ARHGAP26: variants seen among roughly 807,000 people sequenced by gnomAD.
ARHGAP26 encodes the protein Rho GTPase activating protein 26, also known as rho GTPase-activating protein 26.
A neutral mutation model predicts 104.8 loss-of-function variants in ARHGAP26; 38 were observed. The observed-to-expected ratio is 0.36, with a 90% confidence interval of 0.28 to 0.48. The LOEUF is 0.48. Ranked by LOEUF, ARHGAP26 falls within the 20% of genes least tolerant of loss-of-function variation. The pLI is 0.99. For missense variants in ARHGAP26, 704 were observed against 947.9 expected, an observed-to-expected ratio of 0.74 and a Z score of 3.38; for synonymous variants, 341 against 340.0, an observed-to-expected ratio of 1.00 and a Z score of -0.03.
intron 13 of ARHGAP26, among the ~76,000 whole-genome samples, chr5:143,041,286 C>T (rs1236220131): frequency 6.6e-6 from 1 of 152,004 alleles, no homozygotes; most frequent in Non-Finnish European, 1.5e-5. Context: ...TAAAGGTGGT[C>T]TTTTTTGATA....
chr5:142,944,714 T>TA (rs1167220925), intron 11 of ARHGAP26, among the ~76,000 whole-genome samples: 1 of 152,258 alleles, frequency 6.6e-6, no homozygotes, highest in Admixed American at 6.5e-5. Context: ...GTATGTAAGA[T>TA]ACTTAGAACA....
intron 20 of ARHGAP26, chr5:143,166,050 T>C (rs1416908698): frequency 7.6e-7 from 1 of 1,324,272 alleles, no homozygotes; most frequent in Admixed American, 2.3e-5. Flanking sequence ...GGAATGTGTT[T>C]GGAGGGTTGT....
intron 1 of ARHGAP26, among the ~76,000 whole-genome samples, chr5:142,782,625 A>G (rs1392519773): frequency 1.3e-5 from 2 of 152,160 alleles, no homozygotes; most frequent in African/African-American, 4.8e-5. Flanking sequence ...AGAGTTGGAG[A>G]GGCTTTGATG....
intron 22 of ARHGAP26, among the ~76,000 whole-genome samples, chr5:143,219,371 G>A (rs554873789): frequency 3.5e-4 from 53 of 152,262 alleles, no homozygotes; most frequent in African/African-American, 1.1e-3. Flanking sequence ...TATAATTCAC[G>A]AGGCAGAAGG....
intron 11 of ARHGAP26, among the ~76,000 whole-genome samples, chr5:142,955,511 C>T (rs1769102435): frequency 6.6e-6 from 1 of 152,050 alleles, no homozygotes; most frequent in African/African-American, 2.4e-5. Flanking sequence ...TTCAAAAATC[C>T]AGTGAATACT....
intron 12 of ARHGAP26, among the ~76,000 whole-genome samples, chr5:143,024,833 T>TA (rs1198031662): frequency 6.6e-6 from 1 of 152,116 alleles, no homozygotes; most frequent in Non-Finnish European, 1.5e-5. Context: ...GAGCAGAGGG[T>TA]AGAGTAGTGC....
intron 17 of ARHGAP26, among the ~76,000 whole-genome samples, chr5:143,065,580 A>C (rs564862562): frequency 6.6e-6 from 1 of 152,292 alleles, no homozygotes; most frequent in Non-Finnish European, 1.5e-5. Context: ...TGAGTTTCCT[A>C]ATCTGAAAAA....
chr5:142,933,637 A>G (rs1359327660), intron 11 of ARHGAP26, among the ~76,000 whole-genome samples: 1 of 152,192 alleles, frequency 6.6e-6, no homozygotes, highest in African/African-American at 2.4e-5. Context: ...AATGAGGATG[A>G]AAGCATTTCG....
intron 11 of ARHGAP26, among the ~76,000 whole-genome samples, chr5:142,975,222 C>T (rs531425351): frequency 2.0e-5 from 3 of 152,286 alleles, no homozygotes; most frequent in African/African-American, 7.2e-5. Context: ...AAAAGCTGCT[C>T]ACCCCTCCTA....
chr5:143,067,043 C>T (rs904516076), intron 17 of ARHGAP26, among the ~76,000 whole-genome samples: 13 of 152,020 alleles, frequency 8.6e-5, no homozygotes, highest in Admixed American at 3.9e-4. Flanking sequence ...GCCCCTCCCC[C>T]TCCCGCTTCT....
chr5:143,048,288 TCTCA>T (rs1304090365), intron 14 of ARHGAP26, among the ~76,000 whole-genome samples: 1 of 152,068 alleles, frequency 6.6e-6, no homozygotes, highest in Non-Finnish European at 1.5e-5. Flanking sequence ...TGAGATGGGG[TCTCA>T]CTCTTTCACC....
intron 11 of ARHGAP26, among the ~76,000 whole-genome samples, chr5:142,993,214 C>T (rs1455016182): frequency 8.4e-5 from 12 of 142,960 alleles, no homozygotes; most frequent in African/African-American, 3.1e-4. Context: ...CCAGGCCGGA[C>T]TGCGGACTGC....
chr5:142,974,082 ATT>A (rs1772668268), intron 11 of ARHGAP26, among the ~76,000 whole-genome samples: 1 of 151,916 alleles, frequency 6.6e-6, no homozygotes, highest in Admixed American at 6.5e-5. Context: ...GTTCCTTTAA[ATT>A]TTATATCTAG....
At chr5:142,945,751 T>G (rs1219333165) in intron 11 of ARHGAP26, among the ~76,000 whole-genome samples, 1 of 152,206 alleles carries the variant, frequency 6.6e-6, no homozygotes, top group African/African-American at 2.4e-5. Context: ...CCAGATAACC[T>G]AAATGTTAGT....
intron 18 of ARHGAP26, among the ~76,000 whole-genome samples, chr5:143,122,250 C>T (rs1176336204): frequency 6.6e-6 from 1 of 152,196 alleles, no homozygotes; most frequent in Non-Finnish European, 1.5e-5. Context: ...TCGTCTCCTG[C>T]ATCTCTCCTA....
chr5:143,085,363 G>A (rs1331647335), intron 17 of ARHGAP26, among the ~76,000 whole-genome samples: 3 of 152,036 alleles, frequency 2.0e-5, no homozygotes, highest in African/African-American at 7.2e-5. Flanking sequence ...TCTAATTTGG[G>A]GATAGGGGAG....
At chr5:142,983,328 T>C (rs1774224720) in intron 11 of ARHGAP26, among the ~76,000 whole-genome samples, 1 of 152,204 alleles carries the variant, frequency 6.6e-6, no homozygotes, top group African/African-American at 2.4e-5. Context: ...TGCCTCAGCC[T>C]TGTGAGTATC....
At position 142,993,513 on chromosome 5, in the gene ARHGAP26, C is replaced by T. The variant is rs1204951618; in HGVS notation, c.1108-20567C>T. On this transcript the variant is annotated intron_variant, in intron 11 of 22. Transcript: ENST00000645722. ...AAAGATGGGGTTTCACCATGTTGGCCAGGCTGGTCTCGAATTCCTGACCTC... is the reference window on the plus strand; with the variant it reads ...AAAGATGGGGTTTCACCATGTTGGCTAGGCTGGTCTCGAATTCCTGACCTC... Among the ~76,000 whole-genome samples, 3 of 152,064 alleles carry T rather than the reference C, an allele frequency of 2.0e-5. No individual in the cohort carries two copies. In the East Asian group the frequency reaches 5.8e-4, roughly 29 times the overall value.
At chr5:143,054,600 C>A in intron 15 of ARHGAP26, 74 bp downstream of exon 15, 1 of 1,122,536 alleles carries the variant, frequency 8.9e-7, no homozygotes, top group Non-Finnish European at 1.3e-6. Flanking sequence ...GTTTTATTTT[C>A]AGACTCCGGA....
Sources: allele counts gnomAD v4.1 joint callset (sites outside exome capture counted in the v4.1 genomes callset), GRCh38; gene constraint gnomAD v4.1.1; transcripts MANE v1.5; gene names NCBI Gene and HGNC (gene_info 2026-07-23, HGNC 2026-07-21).